NMNAT2: variants seen among roughly 807,000 people sequenced by gnomAD.
The protein encoded by NMNAT2 is nicotinamide nucleotide adenylyltransferase 2.
Under a neutral mutation model 41.6 loss-of-function variants are expected in NMNAT2, and 11 were observed. The ratio of observed to expected loss-of-function variants is 0.26; its 90% CI spans 0.17 to 0.44. The LOEUF (loss-of-function observed/expected upper bound fraction) is 0.44. Ranked by LOEUF, NMNAT2 falls within the 20% of genes least tolerant of loss-of-function variation. The pLI is 1.00. For missense variants in NMNAT2, 288 were observed against 407.7 expected, an observed-to-expected ratio of 0.71 and a Z score of 2.53; for synonymous variants, 148 against 151.2, an observed-to-expected ratio of 0.98 and a Z score of 0.16.
chr1:183,304,671 T>C, intron 1 of NMNAT2: 1 of 1,613,770 alleles, frequency 6.2e-7, no homozygotes, highest in South Asian at 1.1e-5. Flanking sequence ...TGAACTCACC[T>C]GAGAGAGTAA....
At chr1:183,267,583 A>AT (rs1478340518) in intron 8 of NMNAT2, among the ~76,000 whole-genome samples, 2 of 152,192 alleles carry the variant, frequency 1.3e-5, no homozygotes, top group African/African-American at 4.8e-5. Context: ...TCCAGCAAGA[A>AT]TAAGGACATT....
intron 1 of NMNAT2, among the ~76,000 whole-genome samples, chr1:183,305,306 T>G (rs1661969296): frequency 6.7e-6 from 1 of 148,646 alleles, no homozygotes; most frequent in Admixed American, 6.7e-5. Flanking sequence ...GGGGGTGGAG[T>G]GGGGCAGGGG....
chr1:183,314,771 C>G (rs1301112193), intron 1 of NMNAT2, among the ~76,000 whole-genome samples: 1 of 152,214 alleles, frequency 6.6e-6, no homozygotes, highest in African/African-American at 2.4e-5. Context: ...CTCAGCTACT[C>G]AAGAAGCTGA....
intron 8 of NMNAT2, among the ~76,000 whole-genome samples, chr1:183,271,425 C>T (rs1196001653): frequency 6.6e-6 from 1 of 152,186 alleles, no homozygotes; most frequent in African/African-American, 2.4e-5. Flanking sequence ...CAAAGCCCAG[C>T]TCAAGGGCCA....
Position 183,252,654 on chromosome 1 carries a change from T to C in NMNAT2, c.911A>G (p.Asn304Ser). 2 of 1,613,430 alleles carry C rather than the reference T, an allele frequency of 1.2e-6. No individual in the cohort carries two copies. Among genetic ancestry groups the C allele is most frequent in the Non-Finnish European group, 1.7e-6 (2 of 1,179,378 alleles). ...GACGAGGGGCTGCTAGCCGGAGGCA[T>C]TGATGTACAGCTGGCTTTTGAGGAT... ...DYILKSQLYI[N>S]ASG The change falls in exon 11 of 11, where the codon AAT becomes AGT. Residue 304 changes from asparagine (N) to serine (S), a missense_variant. This residue lies in a region of NMNAT2 where 7 missense variants were observed against 25.4 expected (regional missense o/e 0.28). Transcript: ENST00000287713.
At chr1:183,319,612 C>T (rs1662319749) in intron 1 of NMNAT2, among the ~76,000 whole-genome samples, 1 of 152,138 alleles carries the variant, frequency 6.6e-6, no homozygotes, top group South Asian at 2.1e-4. Context: ...GGTTTCTTCC[C>T]TCCTTCCTTT....
At chr1:183,318,660 CT>C (rs1662301460) in intron 1 of NMNAT2, among the ~76,000 whole-genome samples, 1 of 152,146 alleles carries the variant, frequency 6.6e-6, no homozygotes, top group African/African-American at 2.4e-5. Flanking sequence ...ACCCTCAGTC[CT>C]TCCTGCCTTG....
At chr1:183,406,965 C>G (rs1250575828) in intron 1 of NMNAT2, among the ~76,000 whole-genome samples, 1 of 152,018 alleles carries the variant, frequency 6.6e-6, no homozygotes, top group Non-Finnish European at 1.5e-5. Context: ...ATTACAAGCA[C>G]ATGCCACCAC....
At chr1:183,278,478 G>A in intron 8 of NMNAT2, 75 bp downstream of exon 8, 1 of 1,001,210 alleles carries the variant, frequency 1.0e-6, no homozygotes. Flanking sequence ...GTGAAGACAG[G>A]AGGCCAAAAT....
At chr1:183,388,724 C>T (rs578188717) in intron 1 of NMNAT2, among the ~76,000 whole-genome samples, 90 of 152,298 alleles carry the variant, frequency 5.9e-4, no homozygotes, top group Non-Finnish European at 4.1e-4. Context: ...CATAGCATTT[C>T]TTTGTTTTCT....
chr1:183,310,849 A>G (rs1662099651), intron 1 of NMNAT2, among the ~76,000 whole-genome samples: 1 of 82,218 alleles, frequency 1.2e-5, no homozygotes, highest in Non-Finnish European at 2.6e-5. Flanking sequence ...CAAGGGAAGG[A>G]AAAAAAAAAA....
At position 183,418,296 on chromosome 1, in the gene NMNAT2, A is replaced by G. The variant is rs1649310580; in HGVS notation, c.-29T>C. 2.5e-6 allele frequency: 4 copies of G among 1,603,008 alleles called. No homozygotes were observed. In the South Asian group the frequency reaches 4.4e-5, roughly 18 times the overall value. ...GCAGATGGGTCCTTCGCGGTGGTCT[A>G]GGGGTTGCCTCTCTTTTTGTGTCTC... is the stretch of plus-strand genomic sequence containing the variant. On this transcript the variant is annotated 5_prime_UTR_variant, in exon 1 of 11. Transcript: ENST00000287713.
At chr1:183,276,717 T>C (rs1661131959) in intron 8 of NMNAT2, among the ~76,000 whole-genome samples, 1 of 152,252 alleles carries the variant, frequency 6.6e-6, no homozygotes, top group African/African-American at 2.4e-5. Context: ...CCTCCGGCAA[T>C]TGCCCAGATT....
In NMNAT2 at chr1:183,278,234, G is replaced by C. The variant is rs73055740; in HGVS notation, c.651+319C>G. 9.0e-3 allele frequency among the ~76,000 whole-genome samples: 1,373 copies of C among 152,142 alleles called. 18 individuals are homozygous for C. Among genetic ancestry groups the C allele is most frequent in the East Asian group, 0.053 (273 of 5,180 alleles). On this transcript the variant is annotated intron_variant, in intron 8 of 10. Transcript: ENST00000287713. ...ACAAAACACACAATAATCTTAAAAG[G>C]GCAAAGATTTTTTTTTCTCCCTTCC...
At chr1:183,266,872 G>C (rs1432372536) in intron 8 of NMNAT2, 1 of 158,622 alleles carries the variant, frequency 6.3e-6, no homozygotes, top group South Asian at 1.6e-4. Flanking sequence ...TGAAGCTCAG[G>C]CTGATGTGAA....
intron 1 of NMNAT2, among the ~76,000 whole-genome samples, chr1:183,384,144 C>T (rs1023509478): frequency 6.6e-6 from 1 of 150,940 alleles, no homozygotes; most frequent in Admixed American, 6.6e-5. Context: ...GGAAGCAAGG[C>T]ACCTCTTATG....
rs867638959 is a variant in NMNAT2, at chr1:183,294,714, C to T, written c.86-921G>A. On this transcript the variant is annotated intron_variant, in intron 1 of 10. Coordinates refer to ENST00000287713, the MANE Select transcript of NMNAT2 (RefSeq NM_015039.4). The stretch of plus-strand genomic sequence containing the variant: ...CTGAGGCAGGAGAATCGCTTGAACC[C>T]GGGCAGCAGAGATTGCAGTGAGCTG... Among the ~76,000 whole-genome samples the T allele has an allele frequency of 2.6e-5, 4 of 152,210 alleles. 1 individual carries two copies. Among genetic ancestry groups the T allele is most frequent in the East Asian group, 3.9e-4 (2 of 5,174 alleles).
At chr1:183,308,213 G>A (rs1047037802) in intron 1 of NMNAT2, among the ~76,000 whole-genome samples, 1 of 152,176 alleles carries the variant, frequency 6.6e-6, no homozygotes, top group Non-Finnish European at 1.5e-5. Flanking sequence ...ACACCAACAT[G>A]AAGCAATCTT....
At chr1:183,406,185 T>C (rs1242964299) in intron 1 of NMNAT2, among the ~76,000 whole-genome samples, 2 of 152,112 alleles carry the variant, frequency 1.3e-5, no homozygotes, top group East Asian at 1.9e-4. Context: ...GTATCATGAA[T>C]TGAATTGAAT....
Sources: gnomAD v4.1 joint callset for allele counts (sites outside exome capture counted in the v4.1 genomes callset) on GRCh38, gnomAD v4.1.1 for gene constraint, gnomAD v4.1.1 regional missense constraint, MANE v1.5 for transcripts, NCBI Gene and HGNC (gene_info 2026-07-23, HGNC 2026-07-21) for gene names.